LRCH1: variants seen among roughly 807,000 people sequenced by gnomAD.
LRCH1 encodes the protein leucine rich repeats and calponin homology domain containing 1.
In LRCH1, 23 loss-of-function variants were observed where a neutral mutation model predicts 94.9. The observed-to-expected ratio is 0.24, with a 90% CI of 0.17 to 0.34. The LOEUF is 0.34. Ranked by LOEUF, LRCH1 falls within the 10% of genes least tolerant of loss-of-function variation. The probability of loss-of-function intolerance (pLI) is 1.00; values close to 1 mark genes in which losing one functional copy is unlikely to be tolerated. For synonymous variants in LRCH1, 364 were observed against 354.9 expected (o/e 1.03, Z -0.29); for missense variants, 790 against 945.9 (o/e 0.84, Z 2.16).
intron 1 of LRCH1, among the ~76,000 whole-genome samples, chr13:46,555,451 G>A (rs954945423): frequency 2.6e-4 from 39 of 152,196 alleles, no homozygotes; most frequent in African/African-American, 8.9e-4. Flanking sequence ...TGTGTCTGCT[G>A]TGTTGGCATT....
Position 46,737,991 on chromosome 13 carries a change from T to G in LRCH1, c.2086-3651T>G, listed in dbSNP as rs113363836. On this transcript the variant is annotated intron_variant, in intron 19 of 19. Transcript: ENST00000389797. ...CTACTTAATTTTAAATAGGTAACTTTGATCTCAAACTTCTGTAAGGCATGA... is the reference window on the plus strand; with the variant it reads ...CTACTTAATTTTAAATAGGTAACTTGGATCTCAAACTTCTGTAAGGCATGA... Among the ~76,000 whole-genome samples the G allele has an allele frequency of 2.9e-3, 436 of 152,354 alleles. 4 individuals carry two copies. Among genetic ancestry groups the G allele is most frequent in the African/African-American group, 0.01 (425 of 41,582 alleles).
At chr13:46,600,618 T>TACACAC (rs3068695) in intron 1 of LRCH1, among the ~76,000 whole-genome samples, 14,454 of 143,008 alleles carry the variant, frequency 0.1, 740 homozygotes, top group South Asian at 0.14. Flanking sequence ...TGACCAGATT[T>TACACAC]ACACACACAC....
At chr13:46,732,766 C>T (rs1165845999) in intron 18 of LRCH1, among the ~76,000 whole-genome samples, 1 of 152,182 alleles carries the variant, frequency 6.6e-6, no homozygotes, top group Non-Finnish European at 1.5e-5. Context: ...AGTCATGTTC[C>T]TCAGGTCTGC....
intron 11 of LRCH1, 50 bp downstream of exon 11, chr13:46,701,257 A>C: frequency 7.8e-7 from 1 of 1,274,190 alleles, no homozygotes; most frequent in Non-Finnish European, 1.1e-6. Flanking sequence ...ATGCATACTA[A>C]TGTATGGAGT....
chr13:46,694,847 C>T, intron 8 of LRCH1, 46 bp from the exon 9 acceptor site: 1 of 1,607,016 alleles, frequency 6.2e-7, no homozygotes, highest in Non-Finnish European at 8.5e-7. Context: ...TTTTGCTCTT[C>T]TGTTCATGAA....
In LRCH1 at chr13:46,557,167, ATT is replaced by A. The variant is rs60234537; in HGVS notation, c.307+3477_307+3478del. On this transcript the variant is annotated intron_variant, in intron 1 of 19. Coordinates refer to ENST00000389797, the MANE Select transcript of LRCH1 (RefSeq NM_001164211.2). ...ACAAATTTGCATATGAGTAAAGCAA[ATT>A]TTTTTTTTTTTTGGTGCTGATTTAT... 1.6e-3 allele frequency among the ~76,000 whole-genome samples: 243 copies of A among 148,296 alleles called. 1 individual carries two copies. The highest frequency in any genetic ancestry group is 3.0e-3 in the East Asian group (15 of 5,078).
intron 18 of LRCH1, among the ~76,000 whole-genome samples, chr13:46,733,127 T>C (rs1318459737): frequency 6.6e-6 from 1 of 152,188 alleles, no homozygotes; most frequent in Non-Finnish European, 1.5e-5. Flanking sequence ...CCTACAATAT[T>C]GGAATCAGTC....
downstream of LRCH1, among the ~76,000 whole-genome samples, chr13:46,745,839 A>G (rs1458588631): frequency 6.6e-6 from 1 of 152,118 alleles, no homozygotes; most frequent in Non-Finnish European, 1.5e-5. Flanking sequence ...TTGGGAGCAT[A>G]AGAAACTGTA....
chr13:46,637,455 G>A (rs2051105564), intron 1 of LRCH1, among the ~76,000 whole-genome samples: 1 of 152,168 alleles, frequency 6.6e-6, no homozygotes, highest in Non-Finnish European at 1.5e-5. Context: ...TGACCTCATT[G>A]GCCTCTTTTC....
At chr13:46,602,363 C>T (rs1298386959) in intron 1 of LRCH1, among the ~76,000 whole-genome samples, 4 of 152,290 alleles carry the variant, frequency 2.6e-5, no homozygotes, top group East Asian at 1.9e-4. Context: ...ACCCAGAACA[C>T]GTGCTTAATT....
chr13:46,655,968 G>A (rs954740903), intron 2 of LRCH1, among the ~76,000 whole-genome samples: 2 of 152,222 alleles, frequency 1.3e-5, no homozygotes, highest in Admixed American at 1.3e-4. Flanking sequence ...AGCATTGCCT[G>A]TAAAGAACAG....
At chr13:46,612,475 G>A (rs1026843546) in intron 1 of LRCH1, among the ~76,000 whole-genome samples, 3 of 152,040 alleles carry the variant, frequency 2.0e-5, no homozygotes, top group Admixed American at 6.6e-5. Context: ...CTATTCTGTC[G>A]TGGGCTCCAA....
chr13:46,750,340 G>C (rs1874074468), intron 18 of LRCH1, among the ~76,000 whole-genome samples: 1 of 152,102 alleles, frequency 6.6e-6, no homozygotes, highest in African/African-American at 2.4e-5. Flanking sequence ...AACTGCATGT[G>C]TGAAAAATCA....
chr13:46,553,330 C>G lies in LRCH1; in HGVS notation c.-67C>G. On this transcript the variant is annotated 5_prime_UTR_variant, in exon 1 of 20. Coordinates refer to ENST00000389797, the MANE Select transcript of LRCH1 (RefSeq NM_001164211.2). ...GCACTCAGCCCGAGCTGCCGTTTTCCCCTCGCGGGGAACGCTGTGACCCCC... is the reference window on the plus strand; with the variant it reads ...GCACTCAGCCCGAGCTGCCGTTTTCGCCTCGCGGGGAACGCTGTGACCCCC... 7.4e-7 allele frequency: 1 copy of G among 1,358,416 alleles called. No individual in the cohort carries two copies. Among genetic ancestry groups the G allele is most frequent in the Non-Finnish European group, 9.9e-7 (1 of 1,006,034 alleles). 84.1% of individuals were successfully genotyped at this position (1,358,416 alleles called of 1,614,324 possible). A position where few individuals can be genotyped will look rare whatever the true frequency, so the allele number is the denominator to read the frequency against.
chr13:46,559,464 C>A (rs1300362657), intron 1 of LRCH1, among the ~76,000 whole-genome samples: 3 of 152,198 alleles, frequency 2.0e-5, no homozygotes, highest in African/African-American at 7.2e-5. Flanking sequence ...TAAATTCCAA[C>A]ATCAAACAAA....
chr13:46,750,218 T>C (rs151111467), intron 18 of LRCH1, among the ~76,000 whole-genome samples: 2 of 152,344 alleles, frequency 1.3e-5, no homozygotes, highest in East Asian at 3.9e-4. Flanking sequence ...GAAGCTATTA[T>C]ATTCTTGGTG....
At chr13:46,566,282 G>C (rs1443626146) in intron 1 of LRCH1, among the ~76,000 whole-genome samples, 1 of 152,154 alleles carries the variant, frequency 6.6e-6, no homozygotes, top group African/African-American at 2.4e-5. Context: ...CTGAGCTTTA[G>C]GAATAAATAT....
chr13:46,658,820 G>A (rs780789129), intron 2 of LRCH1, among the ~76,000 whole-genome samples: 10 of 152,184 alleles, frequency 6.6e-5, no homozygotes, highest in Non-Finnish European at 1.2e-4. Flanking sequence ...ATCTTTAAAA[G>A]TTTACTTTTA....
chr13:46,645,548 T>TA (rs1204632318), intron 1 of LRCH1, among the ~76,000 whole-genome samples: 1 of 152,252 alleles, frequency 6.6e-6, no homozygotes, highest in African/African-American at 2.4e-5. Flanking sequence ...CTTATTCACA[T>TA]AAATCTTAGC....
Sources: allele counts gnomAD v4.1 joint callset (sites outside exome capture counted in the v4.1 genomes callset), GRCh38; gene constraint gnomAD v4.1.1; transcripts MANE v1.5; gene names NCBI Gene and HGNC (gene_info 2026-07-23, HGNC 2026-07-21).